Variants in RASSF3 observed in about 807,000 individuals in gnomAD.
RASSF3 encodes the protein Ras association domain family member 3, also known as ras association domain-containing protein 3.
Under a neutral mutation model 19.9 loss-of-function variants are expected in RASSF3, and 19 were observed. The ratio of observed to expected loss-of-function variants is 0.96; its 90% CI spans 0.67 to 1.40. RASSF3 has a LOEUF of 1.40. Ranked by LOEUF, RASSF3 falls within the 40% of genes most tolerant of loss-of-function variation. The probability of loss-of-function intolerance (pLI) is 0.00; values close to 1 mark genes in which losing one functional copy is unlikely to be tolerated. For missense variants in RASSF3, 306 were observed against 289.8 expected (o/e 1.06, Z -0.41); for synonymous variants, 110 against 104.2 (o/e 1.06, Z -0.34).
intron 1 of RASSF3, among the ~76,000 whole-genome samples, chr12:64,670,450 T>C (rs1418842678): frequency 6.6e-6 from 1 of 151,586 alleles, no homozygotes; most frequent in African/African-American, 2.4e-5. Context: ...GTTGAAATTT[T>C]TATGCAGAAA....
intron 1 of RASSF3, among the ~76,000 whole-genome samples, chr12:64,519,456 G>A (rs565097459): frequency 1.3e-5 from 2 of 152,188 alleles, no homozygotes; most frequent in East Asian, 1.9e-4. Flanking sequence ...TCAGATCAGA[G>A]GTTGCCTGGA....
At position 64,645,840 on chromosome 12, in the gene RASSF3, G is replaced by A. The variant is rs1322371318; in HGVS notation, c.111+35097G>A. On this transcript the variant is annotated intron_variant, in intron 1 of 4. Transcript: ENST00000542104. ...TTAACTACCACCCAGATGTAGAAAT[G>A]CAGTACATTTCTGTTACCCAGGAAG... is the stretch of plus-strand genomic sequence containing the variant. 2.6e-5 allele frequency among the ~76,000 whole-genome samples: 4 copies of A among 152,106 alleles called. No homozygotes were observed. The East Asian group carries it at 7.7e-4, about 29-fold the overall frequency.
chr12:64,593,687 CT>C (rs1287806262), intron 2 of RASSF3, among the ~76,000 whole-genome samples: 3 of 152,120 alleles, frequency 2.0e-5, no homozygotes, highest in Non-Finnish European at 4.4e-5. Flanking sequence ...AAATTAACTT[CT>C]TTCTGTTAAA....
intron 1 of RASSF3, among the ~76,000 whole-genome samples, chr12:64,655,513 T>C (rs1215614669): frequency 6.6e-6 from 1 of 152,020 alleles, no homozygotes; most frequent in African/African-American, 2.4e-5. Context: ...AGGGTCTCAG[T>C]ATGTTGCCCA....
intron 1 of RASSF3, among the ~76,000 whole-genome samples, chr12:64,646,208 T>C (rs1282582193): frequency 6.6e-6 from 1 of 152,190 alleles, no homozygotes; most frequent in African/African-American, 2.4e-5. Context: ...AACCCTTCAT[T>C]TTTCTTGGCT....
At chr12:64,647,468 T>G (rs1871779731) in intron 1 of RASSF3, among the ~76,000 whole-genome samples, 1 of 150,024 alleles carries the variant, frequency 6.7e-6, no homozygotes, top group African/African-American at 2.5e-5. Flanking sequence ...TGGAGTGCAA[T>G]GGCATGATCT....
At chr12:64,687,530 A>G (rs1873406477) in intron 2 of RASSF3, among the ~76,000 whole-genome samples, 2 of 150,702 alleles carry the variant, frequency 1.3e-5, no homozygotes, top group African/African-American at 4.9e-5. Flanking sequence ...GCTGGAGTGC[A>G]ATGGCGTGAT....
intron 4 of RASSF3, among the ~76,000 whole-genome samples, chr12:64,693,124 C>T (rs1868308288): frequency 2.7e-5 from 4 of 149,246 alleles, no homozygotes; most frequent in South Asian, 2.1e-4. Context: ...AGAAGTTTTG[C>T]TCTCCTACTC....
chr12:64,610,791 G>A (rs959748537), intron 1 of RASSF3, 48 bp downstream of exon 1: 2 of 1,322,646 alleles, frequency 1.5e-6, no homozygotes, highest in Non-Finnish European at 1.0e-6. Flanking sequence ...AGAGTTCCGG[G>A]GAACCCGCCA....
intron 2 of RASSF3, among the ~76,000 whole-genome samples, chr12:64,686,483 C>T (rs56165064): frequency 0.051 from 7,750 of 151,420 alleles, 682 homozygotes; most frequent in African/African-American, 0.18. Context: ...TGGTGGCGGG[C>T]GCCTGTAGTC....
At chr12:64,606,304 G>A (rs188740891), upstream of RASSF3, among the ~76,000 whole-genome samples, 350 of 152,056 alleles carry the variant, frequency 2.3e-3, 3 homozygotes, top group Non-Finnish European at 1.9e-3. Flanking sequence ...TTTCCCGAGG[G>A]GATTCTTGAA....
At chr12:64,579,811 T>G (rs1423698940) in intron 2 of RASSF3, among the ~76,000 whole-genome samples, 1 of 128,168 alleles carries the variant, frequency 7.8e-6, no homozygotes, top group South Asian at 2.2e-4. Flanking sequence ...TTTTTTGGGT[T>G]TTTTTTTTTT....
At chr12:64,688,040 G>A (rs1443858878) in intron 2 of RASSF3, among the ~76,000 whole-genome samples, 176 bp from the exon 3 acceptor site, 1 of 152,190 alleles carries the variant, frequency 6.6e-6, no homozygotes. Context: ...TTTGCCTGGT[G>A]TGTTAACCGC....
chr12:64,632,102 G>C (rs1387686106), intron 1 of RASSF3, among the ~76,000 whole-genome samples: 2 of 152,156 alleles, frequency 1.3e-5, no homozygotes, highest in Non-Finnish European at 2.9e-5. Flanking sequence ...AGGCCTTTCA[G>C]TTGGTGGCAG....
intron 2 of RASSF3, among the ~76,000 whole-genome samples, chr12:64,583,546 C>T (rs568387347): frequency 1.3e-5 from 2 of 152,270 alleles, no homozygotes; most frequent in African/African-American, 2.4e-5. Context: ...TGCTTGAACC[C>T]GGGAGGCAGA....
At chr12:64,604,009 A>G (rs1870140396) in intron 2 of RASSF3, among the ~76,000 whole-genome samples, 1 of 150,938 alleles carries the variant, frequency 6.6e-6, no homozygotes, top group Non-Finnish European at 1.5e-5. Context: ...CACCACGCCC[A>G]GCTCATTTTT....
At chr12:64,624,370 G>T (rs770375578) in intron 1 of RASSF3, among the ~76,000 whole-genome samples, 1 of 151,962 alleles carries the variant, frequency 6.6e-6, no homozygotes, top group African/African-American at 2.4e-5. Flanking sequence ...AGGGCACCCT[G>T]TGTTTAAATC....
chr12:64,600,830 T>G (rs2136145518), intron 2 of RASSF3, among the ~76,000 whole-genome samples: 1 of 152,350 alleles, frequency 6.6e-6, no homozygotes, highest in African/African-American at 2.4e-5. Flanking sequence ...AGGCTTAAAT[T>G]GATTTCTGTC....
intron 1 of RASSF3, among the ~76,000 whole-genome samples, chr12:64,663,035 C>G (rs932636285): frequency 1.3e-5 from 2 of 152,004 alleles, no homozygotes; most frequent in Non-Finnish European, 2.9e-5. Context: ...AAACGCAGAC[C>G]TTTAAATAGA....
Sources: allele counts gnomAD v4.1 joint callset (sites outside exome capture counted in the v4.1 genomes callset), GRCh38; gene constraint gnomAD v4.1.1; transcripts MANE v1.5; gene names NCBI Gene and HGNC (gene_info 2026-07-23, HGNC 2026-07-21).